The following PIK3C2A variants were observed in gnomAD, a reference collection of about 807,000 sequenced individuals.
PIK3C2A encodes phosphatidylinositol-4-phosphate 3-kinase catalytic subunit type 2 alpha, also known as phosphatidylinositol 4-phosphate 3-kinase C2 domain-containing subunit alpha.
Under a neutral mutation model 204.5 loss-of-function variants are expected in PIK3C2A, and 97 were observed. The ratio of observed to expected loss-of-function variants is 0.47; its 90% CI spans 0.40 to 0.56. The LOEUF is 0.56. Ranked by LOEUF, PIK3C2A falls within the 20% of genes least tolerant of loss-of-function variation. The pLI is 0.00. For missense variants in PIK3C2A, 1,735 were observed against 1,969.2 expected (o/e 0.88, Z 2.25); for synonymous variants, 653 against 664.4 (o/e 0.98, Z 0.26).
At chr11:17,125,571 T>A (rs1237500783) in intron 13 of PIK3C2A, among the ~76,000 whole-genome samples, 1 of 152,062 alleles carries the variant, frequency 6.6e-6, no homozygotes, top group Non-Finnish European at 1.5e-5. Flanking sequence ...TGGAGTGTAG[T>A]GGTGCAATTT....
chr11:17,174,549 C>G (rs1851278664), intron 1 of PIK3C2A, among the ~76,000 whole-genome samples: 1 of 48,876 alleles, frequency 2.0e-5, no homozygotes, highest in Non-Finnish European at 3.9e-5. Flanking sequence ...AGCCGAGATC[C>G]CGCCACTGCA....
chr11:17,194,271 G>A (rs746032186), intron 1 of PIK3C2A: 13 of 316,956 alleles, frequency 4.1e-5, no homozygotes, highest in Admixed American at 3.3e-4. Context: ...GCTCAGGTTC[G>A]CAAAGGTGCT....
chr11:17,179,937 G>T (rs1851477947), intron 1 of PIK3C2A, among the ~76,000 whole-genome samples: 2 of 152,130 alleles, frequency 1.3e-5, no homozygotes, highest in South Asian at 4.2e-4. Flanking sequence ...ATTCTATCAT[G>T]AAAACAAGAC....
chr11:17,128,064 T>C (rs1267831140), intron 13 of PIK3C2A, among the ~76,000 whole-genome samples: 1 of 152,160 alleles, frequency 6.6e-6, no homozygotes, highest in African/African-American at 2.4e-5. Context: ...AATCACCACT[T>C]ATTTCATAGA....
intron 19 of PIK3C2A, among the ~76,000 whole-genome samples, chr11:17,117,071 A>T (rs943022258): frequency 6.6e-6 from 1 of 152,212 alleles, no homozygotes; most frequent in Non-Finnish European, 1.5e-5. Flanking sequence ...AAGAAACTAG[A>T]CAGAAAAGTC....
chr11:17,131,951 G>GT lies in PIK3C2A; in HGVS notation c.2195dup (p.Tyr732Ter). The GT allele has an allele frequency of 6.3e-7, 1 of 1,598,716 alleles. No individual in the cohort carries two copies. Among genetic ancestry groups the GT allele is most frequent in the Non-Finnish European group, 8.5e-7 (1 of 1,171,036 alleles). The part of the protein sequence containing the change: ...KPIQSKKVGT[Y>*]KNFFYLIKWD... ...ATTTAATAAGATAGAAGAAATTCTT[G>GT]TAAGTGCCAACCTTCTTTGATTGAA... Residue 732 changes from tyrosine to a stop codon, truncating the protein, a stop_gained and frameshift_variant, in exon 12 of 33, where the codon TAC becomes TAAC. Coordinates refer to ENST00000691414, the MANE Select transcript of PIK3C2A (RefSeq NM_002645.4). LOFTEE classifies it high-confidence loss of function.
In PIK3C2A at chr11:17,105,207, G is replaced by A; in HGVS notation, c.3643C>T (p.Leu1215=). ...SFKDKPLAEW[L]RKYNPSEEEY... ...TCTTCAGAGGGATTGTATTTCCTTA[G>A]CCACTCTGCAAGTGGTTTATCTTTA... The change falls in exon 23 of 33, where the codon CTA becomes TTA. Residue 1215 remains leucine, a synonymous_variant. Transcript: ENST00000691414. The A allele has an allele frequency of 6.2e-7, 1 of 1,609,162 alleles. No homozygotes were observed. The highest frequency in any genetic ancestry group is 1.7e-5 in the Admixed American group (1 of 59,968).
At chr11:17,145,783 T>C (rs758309237) in intron 7 of PIK3C2A, 52 bp from the exon 8 acceptor site, 1 of 1,551,906 alleles carries the variant, frequency 6.4e-7, no homozygotes, top group Non-Finnish European at 8.9e-7. Flanking sequence ...ACAAAATGAT[T>C]GTTTTCATCA....
At chr11:17,099,613 G>C (rs1848556286) in intron 26 of PIK3C2A, among the ~76,000 whole-genome samples, 1 of 152,028 alleles carries the variant, frequency 6.6e-6, no homozygotes, top group African/African-American at 2.4e-5. Context: ...TTTTATCATT[G>C]AAATTACATA....
chr11:17,094,941 T>C (rs1367383347), intron 27 of PIK3C2A, among the ~76,000 whole-genome samples: 2 of 152,150 alleles, frequency 1.3e-5, no homozygotes, highest in African/African-American at 4.8e-5. Context: ...CATCCTAAGA[T>C]AGATAAACTA....
chr11:17,089,855 A>G lies in PIK3C2A; in HGVS notation c.4944T>C (p.Ser1648=), dbSNP rs767878570. ...AAAAATTCTCCCGCAGAGATTCTGC[A>G]CTGAGTACACTTAGTTGAAGTTCTC... ...RQRELQLSVL[S]AESLRENFFL... The change falls in exon 33 of 33, where the codon AGT becomes AGC. Residue 1648 remains serine, a synonymous_variant. Transcript: ENST00000691414. 1 of 1,613,608 alleles carries G rather than the reference A, an allele frequency of 6.2e-7. No homozygotes were observed. The highest frequency in any genetic ancestry group is 8.5e-7 in the Non-Finnish European group (1 of 1,179,552).
chr11:17,117,710 T>C (rs762674040), intron 18 of PIK3C2A, 39 bp from the exon 19 acceptor site: 1 of 626,454 alleles, frequency 1.6e-6, no homozygotes, highest in Admixed American at 3.8e-5. Context: ...ACGTCTTGGT[T>C]TTTTTTTTTT....
At chr11:17,138,347 A>C (rs550624949) in intron 8 of PIK3C2A, 34 of 452,312 alleles carry the variant, frequency 7.5e-5, no homozygotes, top group African/African-American at 6.7e-4. Flanking sequence ...TTTTTAATTC[A>C]GTGTGAGAGC....
chr11:17,119,623 T>C (rs1243196186), intron 16 of PIK3C2A, among the ~76,000 whole-genome samples, 163 bp downstream of exon 16: 8 of 152,218 alleles, frequency 5.3e-5, no homozygotes, highest in Non-Finnish European at 7.3e-5. Context: ...CAATGCTTTA[T>C]TGACAACTTC....
At chr11:17,153,989 G>A (rs776854332) in intron 3 of PIK3C2A, among the ~76,000 whole-genome samples, 13 of 152,134 alleles carry the variant, frequency 8.5e-5, no homozygotes, top group Non-Finnish European at 1.6e-4. Context: ...TCTAGTATTT[G>A]TTGCAGTCAT....
intron 24 of PIK3C2A, among the ~76,000 whole-genome samples, chr11:17,102,117 A>T (rs547395623): frequency 6.6e-6 from 1 of 152,124 alleles, no homozygotes; most frequent in Non-Finnish European, 1.5e-5. Flanking sequence ...AAGTAGATAA[A>T]AAAAATATAT....
At chr11:17,203,814 T>C (rs554650518) in intron 1 of PIK3C2A, among the ~76,000 whole-genome samples, 1 of 152,284 alleles carries the variant, frequency 6.6e-6, no homozygotes, top group South Asian at 2.1e-4. Context: ...GGCTCACGCC[T>C]GTAATCCCAG....
At chr11:17,202,278 A>C (rs1032047473) in intron 1 of PIK3C2A, among the ~76,000 whole-genome samples, 1 of 150,870 alleles carries the variant, frequency 6.6e-6, no homozygotes, top group African/African-American at 2.4e-5. Flanking sequence ...AAAAAAAAGA[A>C]AGAAGGAAGA....
In PIK3C2A at chr11:17,158,225, G is replaced by GT. The variant is rs1372604857; in HGVS notation, c.1066-2597dup. ...TAGCCGGGCGTGGTGGTGCATGCCTGTAATCCCAGCTACTCGGGAGGCTGA... is the reference window on the plus strand; with the variant it reads ...TAGCCGGGCGTGGTGGTGCATGCCTGTTAATCCCAGCTACTCGGGAGGCTGA... On this transcript the variant is annotated intron_variant, in intron 2 of 32. Coordinates refer to ENST00000691414, the MANE Select transcript of PIK3C2A (RefSeq NM_002645.4). Among the ~76,000 whole-genome samples the GT allele has an allele frequency of 2.0e-5, 3 of 151,994 alleles. No individual in the cohort carries two copies. In the East Asian group the frequency reaches 5.8e-4, roughly 29 times the overall value.
Sources: allele counts gnomAD v4.1 joint callset (sites outside exome capture counted in the v4.1 genomes callset), GRCh38; gene constraint gnomAD v4.1.1; transcripts MANE v1.5; gene names NCBI Gene and HGNC (gene_info 2026-07-23, HGNC 2026-07-21).